KMT2E: variants seen among roughly 807,000 people sequenced by gnomAD.
KMT2E encodes histone reader KMT2E.
A neutral mutation model predicts 184.6 loss-of-function variants in KMT2E; 30 were observed. That is an observed-to-expected ratio of 0.16 (90% CI 0.12 to 0.22). The LOEUF (loss-of-function observed/expected upper bound fraction) is 0.22, where lower values mean the gene tolerates loss of function less well. KMT2E is among the 10% of genes least tolerant of loss of function. KMT2E has a pLI of 1.00. For synonymous variants in KMT2E, 815 were observed against 776.5 expected (o/e 1.05, Z -0.82); for missense variants, 2,023 against 2,237.4 (o/e 0.90, Z 1.93).
intron 5 of KMT2E, among the ~76,000 whole-genome samples, chr7:105,065,562 G>GT (rs1338793158): frequency 1.3e-5 from 2 of 152,076 alleles, no homozygotes; most frequent in Admixed American, 6.6e-5. Context: ...ACAGTACTTT[G>GT]TTTTTTCCTA....
At chr7:105,052,609 A>G (rs1040159027) in intron 3 of KMT2E, among the ~76,000 whole-genome samples, 3 of 152,002 alleles carry the variant, frequency 2.0e-5, no homozygotes, top group Non-Finnish European at 4.4e-5. Context: ...CCCAGGCTAG[A>G]GTGCAGTGGC....
chr7:105,032,010 C>T (rs938575091), intron 1 of KMT2E, among the ~76,000 whole-genome samples: 5 of 131,444 alleles, frequency 3.8e-5, no homozygotes, highest in African/African-American at 1.5e-4. Context: ...AGGTTACAGT[C>T]AGCCGAAATC....
intron 3 of KMT2E, among the ~76,000 whole-genome samples, chr7:105,042,059 G>A (rs1795905062): frequency 6.6e-6 from 1 of 152,082 alleles, no homozygotes; most frequent in Admixed American, 6.5e-5. Flanking sequence ...GTGCAGTAGG[G>A]CAGTCTCAGC....
chr7:105,031,827 T>C lies in KMT2E; in HGVS notation c.-188-6299T>C, dbSNP rs563343599. On this transcript the variant is annotated intron_variant, in intron 1 of 26. Coordinates refer to ENST00000311117, the MANE Select transcript of KMT2E (RefSeq NM_182931.3). The stretch of plus-strand genomic sequence containing the variant: ...GCTCATGCCTGTAATCCCTGCACTT[T>C]GGGAGGCCAAGGTGGGTGGATCACT... 5.9e-5 allele frequency among the ~76,000 whole-genome samples: 9 copies of C among 151,832 alleles called. No homozygotes were observed. In the South Asian group the frequency reaches 1.0e-3, roughly 18 times the overall value.
chr7:105,070,355 G>A (rs1172398562), intron 6 of KMT2E, among the ~76,000 whole-genome samples: 3 of 152,122 alleles, frequency 2.0e-5, no homozygotes, highest in Non-Finnish European at 4.4e-5. Flanking sequence ...TGTTGGTTGG[G>A]CGCAGTGGCT....
chr7:105,053,725 A>T (rs1453011468), intron 3 of KMT2E, among the ~76,000 whole-genome samples: 1 of 152,126 alleles, frequency 6.6e-6, no homozygotes, highest in African/African-American at 2.4e-5. Flanking sequence ...AAATTTTTTT[A>T]AAAATTAGCC....
chr7:105,110,494 G>A lies in KMT2E; in HGVS notation c.3862G>A (p.Val1288Ile), dbSNP rs370746393. The change falls in exon 25 of 27, where the codon GTC becomes ATC. Residue 1288 changes from valine to isoleucine, a missense_variant. This residue lies in a region of KMT2E where 1,108 missense variants were observed against 1,050.9 expected (regional missense o/e 1.05). Transcript: ENST00000311117. Reference sequence around the variant, plus strand: ...ATCTCTAGGGGGAGAATCACCATGTGTCTCATGTTCACCGAGTCATGTTCA... The same window carrying A: ...ATCTCTAGGGGGAGAATCACCATGTATCTCATGTTCACCGAGTCATGTTCA... ...DKDSGGESPCVSCSPSHVQSS... is the reference protein window; with the variant it reads ...DKDSGGESPCISCSPSHVQSS... The A allele has an allele frequency of 6.2e-7, 1 of 1,614,034 alleles. No homozygotes were observed. Among genetic ancestry groups the A allele is most frequent in the African/African-American group, 1.3e-5 (1 of 74,914 alleles).
intron 13 of KMT2E, among the ~76,000 whole-genome samples, chr7:105,089,536 C>A (rs751657310): frequency 6.6e-6 from 1 of 152,180 alleles, no homozygotes; most frequent in Admixed American, 6.5e-5. Flanking sequence ...AAATTCTACA[C>A]CTGACCTCAT....
At chr7:105,068,422 C>T (rs1291731264) in intron 6 of KMT2E, among the ~76,000 whole-genome samples, 1 of 151,674 alleles carries the variant, frequency 6.6e-6, no homozygotes, top group Admixed American at 6.6e-5. Context: ...TTGTTCATTA[C>T]TTATCAGCTG....
chr7:105,029,783 G>A (rs1175881262), intron 1 of KMT2E, among the ~76,000 whole-genome samples: 1 of 146,584 alleles, frequency 6.8e-6, no homozygotes, highest in African/African-American at 2.5e-5. Flanking sequence ...TCCAATAGAT[G>A]AGTGGGAAAA....
intron 13 of KMT2E, among the ~76,000 whole-genome samples, chr7:105,085,630 G>A (rs182428532): frequency 3.6e-4 from 55 of 151,994 alleles, no homozygotes; most frequent in African/African-American, 1.3e-3. Context: ...GCCCCTTAAC[G>A]TTTAGCAGCC....
At chr7:105,043,441 T>G (rs1795969221) in intron 3 of KMT2E, among the ~76,000 whole-genome samples, 1 of 151,826 alleles carries the variant, frequency 6.6e-6, no homozygotes, top group Non-Finnish European at 1.5e-5. Context: ...TTTCACCGTT[T>G]TAGCCGGGAT....
At chr7:105,111,749 T>C (rs1799294700) in intron 26 of KMT2E, 76 bp from the exon 27 acceptor site, 2 of 1,481,566 alleles carry the variant, frequency 1.3e-6, no homozygotes, top group African/African-American at 2.8e-5. Flanking sequence ...TTAGGTAGTA[T>C]TAAATACCAA....
At chr7:105,079,047 T>C in intron 12 of KMT2E, 84 bp downstream of exon 12, 1 of 745,818 alleles carries the variant, frequency 1.3e-6, no homozygotes, top group South Asian at 1.5e-5. Context: ...CTCAGGTCAC[T>C]GACCTAAGAC....
intron 13 of KMT2E, among the ~76,000 whole-genome samples, chr7:105,087,265 A>G (rs530997623): frequency 7.1e-6 from 1 of 140,000 alleles, no homozygotes. Flanking sequence ...ACATGAGCAT[A>G]TATATAATAT....
rs1458834903 is a variant in KMT2E, at chr7:105,040,905, C to T, written c.-48C>T. 1 of 1,410,544 alleles carries T rather than the reference C, an allele frequency of 7.1e-7. No individual in the cohort carries two copies. Among genetic ancestry groups the T allele is most frequent in the African/African-American group, 1.4e-5 (1 of 69,930 alleles). 87.4% of individuals were successfully genotyped at this position (1,410,544 alleles called of 1,614,324 possible). A position where few individuals can be genotyped will look rare whatever the true frequency, so the allele number is the denominator to read the frequency against. ...CTGGCATGCCCCAGTGTTTTGGATACCAATGCATAGGACTCCATAGTAATC... is the reference window on the plus strand; with the variant it reads ...CTGGCATGCCCCAGTGTTTTGGATATCAATGCATAGGACTCCATAGTAATC... On this transcript the variant is annotated 5_prime_UTR_variant, in exon 3 of 27. Transcript: ENST00000311117.
intron 1 of KMT2E, among the ~76,000 whole-genome samples, chr7:105,026,198 G>A (rs1186127770): frequency 6.6e-6 from 1 of 152,094 alleles, no homozygotes; most frequent in Non-Finnish European, 1.5e-5. Context: ...TTCAAAAGGG[G>A]ATGGATCCAA....
rs750490814 is a variant in KMT2E, at chr7:105,112,780, A to T, written c.5024A>T (p.His1675Leu). ...GSHIHSQTAG[H>L]HLPPPPPPPG... ...CATATTCATTCTCAAACTGCTGGAC[A>T]CCACTTACCCCCACCCCCACCCCCT... is the stretch of plus-strand genomic sequence containing the variant. Residue 1675 changes from histidine to leucine, a missense_variant, in exon 27 of 27, where the codon CAC (histidine) becomes CTC (leucine). His to Leu is a moderately conservative substitution (Grantham distance 99). This residue lies in a region of KMT2E where 1,108 missense variants were observed against 1,050.9 expected (regional missense o/e 1.05). Transcript: ENST00000311117. 23 of 1,601,224 alleles carry T rather than the reference A, an allele frequency of 1.4e-5. No homozygotes were observed. The South Asian group carries it at 2.3e-4, about 16-fold the overall frequency.
At chr7:105,100,424 C>A (rs1326797741) in intron 15 of KMT2E, among the ~76,000 whole-genome samples, 3 of 152,076 alleles carry the variant, frequency 2.0e-5, no homozygotes, top group African/African-American at 7.2e-5. Context: ...TTCCTCACAT[C>A]GATGTGTAAT....
Sources: gnomAD v4.1 joint callset for allele counts (sites outside exome capture counted in the v4.1 genomes callset) on GRCh38, gnomAD v4.1.1 for gene constraint, gnomAD v4.1.1 regional missense constraint, MANE v1.5 for transcripts, NCBI Gene and HGNC (gene_info 2026-07-23, HGNC 2026-07-21) for gene names.